The following KDM3B variants were observed in gnomAD, a reference collection of about 807,000 sequenced individuals.
KDM3B encodes lysine-specific demethylase 3B.
Under a neutral mutation model 170.0 loss-of-function variants are expected in KDM3B, and 10 were observed. The observed-to-expected ratio is 0.06, with a 90% confidence interval of 0.04 to 0.10. The LOEUF is 0.10. KDM3B is among the 10% of genes least tolerant of loss of function. The pLI is 1.00. For missense variants in KDM3B, 1,394 were observed against 2,195.2 expected (o/e 0.64, Z 7.29); for synonymous variants, 831 against 834.8 (o/e 1.00, Z 0.08).
At chr5:138,359,827 A>AT (rs566991491) in intron 1 of KDM3B, among the ~76,000 whole-genome samples, 71 of 151,096 alleles carry the variant, frequency 4.7e-4, no homozygotes, top group Non-Finnish European at 7.7e-4. Context: ...TATCCGCCCT[A>AT]TTTTTTTTTA....
Position 138,420,906 on chromosome 5 carries a change from C to G in KDM3B, c.3916C>G (p.Gln1306Glu). The change falls in exon 15 of 24, where the codon CAA becomes GAA. Residue 1306 changes from glutamine to glutamate, a missense_variant. Coordinates refer to ENST00000314358, the MANE Select transcript of KDM3B (RefSeq NM_016604.4). ...LLHSGPGKLP[Q>E]TPLDTGIPFP... The stretch of plus-strand genomic sequence containing the variant: ...TCACTCCGGGCCGGGAAAACTTCCT[C>G]AAACCCCCTTGGACACAGGCATACC... 1 of 1,614,158 alleles carries G rather than the reference C, an allele frequency of 6.2e-7. No homozygotes were observed. The highest frequency in any genetic ancestry group is 8.5e-7 in the Non-Finnish European group (1 of 1,180,002).
chr5:138,435,181 A>C (rs933866806), intron 23 of KDM3B, among the ~76,000 whole-genome samples: 2 of 152,214 alleles, frequency 1.3e-5, no homozygotes, highest in African/African-American at 4.8e-5. Context: ...TCTTGTTTTA[A>C]TGCATCCTTA....
At chr5:138,433,859 C>T (rs1763602475) in intron 23 of KDM3B, among the ~76,000 whole-genome samples, 1 of 152,084 alleles carries the variant, frequency 6.6e-6, no homozygotes, top group Non-Finnish European at 1.5e-5. Context: ...CTGCCTCAGC[C>T]TCCCGAGTAT....
At chr5:138,416,363 G>T (rs191583694) in intron 12 of KDM3B, among the ~76,000 whole-genome samples, 1 of 152,034 alleles carries the variant, frequency 6.6e-6, no homozygotes, top group Non-Finnish European at 1.5e-5. Flanking sequence ...GTTGAGGCGG[G>T]TGAATCACTT....
At chr5:138,360,957 C>CT (rs577919935) in intron 1 of KDM3B, among the ~76,000 whole-genome samples, 47 of 152,034 alleles carry the variant, frequency 3.1e-4, no homozygotes, top group Non-Finnish European at 5.9e-4. Flanking sequence ...GGTTCATTCC[C>CT]TTTTTTTTAA....
intron 1 of KDM3B, among the ~76,000 whole-genome samples, chr5:138,365,872 G>T (rs1580879871): frequency 1.3e-5 from 2 of 151,866 alleles, no homozygotes; most frequent in East Asian, 3.9e-4. Context: ...GGTGGTGCTT[G>T]CCTATAATCC....
intron 16 of KDM3B, 45 bp from the exon 17 acceptor site, chr5:138,425,366 A>C: frequency 6.3e-7 from 1 of 1,588,230 alleles, no homozygotes; most frequent in South Asian, 1.1e-5. Context: ...TAGAGCTGGA[A>C]GTTTTTCCTA....
intron 23 of KDM3B, among the ~76,000 whole-genome samples, chr5:138,434,947 T>C (rs932183271): frequency 2.6e-5 from 4 of 152,172 alleles, no homozygotes; most frequent in African/African-American, 9.7e-5. Context: ...GAAGCCCCCA[T>C]GTACCCTTCC....
chr5:138,375,227 TCTTGAGC>T, intron 3 of KDM3B, 21 bp downstream of exon 3: 1 of 1,488,412 alleles, frequency 6.7e-7, no homozygotes, highest in Non-Finnish European at 9.4e-7. Context: ...CTTGCTTTAG[TCTTGAGC>T]CTATTATTTT....
Position 138,398,113 on chromosome 5 carries a change from G to C in KDM3B, c.2832-65G>C, listed in dbSNP as rs1580917850. ...TCATTTTACTTCTGTTTAGGTCCCAGGAGTTTAGGTGTGTGTTAGTTTGCG... is the reference window on the plus strand; with the variant it reads ...TCATTTTACTTCTGTTTAGGTCCCACGAGTTTAGGTGTGTGTTAGTTTGCG... On this transcript the variant is annotated intron_variant, in intron 9 of 23. Coordinates refer to ENST00000314358, the MANE Select transcript of KDM3B (RefSeq NM_016604.4). 5 of 1,252,836 alleles carry C rather than the reference G, an allele frequency of 4.0e-6. No homozygotes were observed. In the East Asian group the frequency reaches 1.2e-4, roughly 29 times the overall value. The allele number at this position is 1,252,836 out of a possible 1,614,324, so 77.6% of individuals were successfully genotyped here.
intron 1 of KDM3B, among the ~76,000 whole-genome samples, chr5:138,364,184 C>T (rs1761687468): frequency 6.6e-6 from 1 of 152,136 alleles, no homozygotes; most frequent in Non-Finnish European, 1.5e-5. Flanking sequence ...TCCCAGAGTG[C>T]TGGGATTACA....
chr5:138,355,469 T>G (rs936601065), intron 1 of KDM3B, among the ~76,000 whole-genome samples: 1 of 152,224 alleles, frequency 6.6e-6, no homozygotes, highest in Non-Finnish European at 1.5e-5. Context: ...TCCTGTTGAT[T>G]GAGAGTTTTG....
At chr5:138,368,326 T>C (rs970649704) in intron 1 of KDM3B, among the ~76,000 whole-genome samples, 8 of 151,260 alleles carry the variant, frequency 5.3e-5, no homozygotes, top group Admixed American at 2.0e-4. Flanking sequence ...TTGAACTCCT[T>C]GGCCCAAGCT....
At chr5:138,396,337 C>T (rs1437006755) in intron 9 of KDM3B, among the ~76,000 whole-genome samples, 2 of 152,084 alleles carry the variant, frequency 1.3e-5, no homozygotes, top group South Asian at 2.1e-4. Context: ...CCTCGTGATC[C>T]GCCCGCCTCA....
intron 6 of KDM3B, 125 bp from the exon 7 acceptor site, chr5:138,385,897 C>A: frequency 9.4e-7 from 1 of 1,067,456 alleles, no homozygotes; most frequent in Non-Finnish European, 1.4e-6. Context: ...TGTTTTAGAA[C>A]TGGCATTGGA....
intron 3 of KDM3B, among the ~76,000 whole-genome samples, 180 bp downstream of exon 3, chr5:138,375,386 A>T (rs553861353): frequency 6.5e-4 from 97 of 148,984 alleles, no homozygotes; most frequent in East Asian, 1.8e-3. Flanking sequence ...TTATTTATTT[A>T]TTTTTTTTTG....
chr5:138,386,024 G>A lies in KDM3B; in HGVS notation c.783G>A (p.Gly261=), dbSNP rs1404274397. 2 of 1,596,038 alleles carry A rather than the reference G, an allele frequency of 1.3e-6. No homozygotes were observed. The highest frequency in any genetic ancestry group is 1.7e-6 in the Non-Finnish European group (2 of 1,171,362). The change falls in exon 7 of 24, where the codon GGG becomes GGA. Residue 261 remains glycine, a splice_region_variant and synonymous_variant. Transcript: ENST00000314358. ...CTTTTTTGAATTTTGTTTTGTAGGG[G>A]GGTACGTTAAAAGCAGTAAAATCTT... is the stretch of plus-strand genomic sequence containing the variant. ...LMDNSAPQSE[G]GTLKAVKSSK...
chr5:138,354,455 A>G (rs953872211), intron 1 of KDM3B, among the ~76,000 whole-genome samples: 11 of 152,216 alleles, frequency 7.2e-5, no homozygotes, highest in Admixed American at 6.5e-5. Context: ...AAGATCCACT[A>G]TTATATGCAT....
chr5:138,391,948 C>T lies in KDM3B; in HGVS notation c.2316C>T (p.His772=), dbSNP rs1377136784. The stretch of plus-strand genomic sequence containing the variant: ...CCTTTAGTAACGTCTTTGGCAGGCA[C>T]TCAGGCGGCTTTCTGTCCTCCCCGG... ...LKTFSNVFGR[H]SGGFLSSPAD... The change falls in exon 8 of 24, where the codon CAC becomes CAT. Residue 772 remains histidine (H), a synonymous_variant. Coordinates refer to ENST00000314358, the MANE Select transcript of KDM3B (RefSeq NM_016604.4). The surrounding 1 kb of genome is among the most constrained non-coding windows in gnomAD (Gnocchi z 5.0). 6.2e-7 allele frequency: 1 copy of T among 1,612,510 alleles called. No individual in the cohort carries two copies. Among genetic ancestry groups the T allele is most frequent in the African/African-American group, 1.3e-5 (1 of 74,924 alleles).
Sources: gnomAD v4.1 joint callset for allele counts (sites outside exome capture counted in the v4.1 genomes callset) on GRCh38, gnomAD v4.1.1 for gene constraint, Gnocchi (gnomAD v3.1) non-coding constraint, MANE v1.5 for transcripts, NCBI Gene and HGNC (gene_info 2026-07-23, HGNC 2026-07-21) for gene names.